The following PRPH2 variants were observed in gnomAD, a reference collection of about 807,000 sequenced individuals.
The protein encoded by PRPH2 is peripherin 2, also known as peripherin-2.
In PRPH2, 17 loss-of-function variants were observed where a neutral mutation model predicts 31.3. That is an observed-to-expected ratio of 0.54 (90% CI 0.37 to 0.81). The LOEUF is 0.81. Among genes scored for constraint, PRPH2 ranks in the 40% least tolerant of loss-of-function variants. The probability of loss-of-function intolerance (pLI) is 0.00; values close to 1 mark genes in which losing one functional copy is unlikely to be tolerated. For missense variants in PRPH2, 430 were observed against 439.7 expected (o/e 0.98, Z 0.20); for synonymous variants, 165 against 184.4 (o/e 0.89, Z 0.85).
At chr6:42,712,577 T>C (rs1291236169) in intron 1 of PRPH2, among the ~76,000 whole-genome samples, 3 of 152,166 alleles carry the variant, frequency 2.0e-5, no homozygotes, top group Non-Finnish European at 4.4e-5. Context: ...TTGATATTTG[T>C]TCCTAGGTGA....
At position 42,705,651 on chromosome 6, in the gene PRPH2, C is replaced by T. The variant is rs372345862; in HGVS notation, c.582-1040G>A. On this transcript the variant is annotated intron_variant, in intron 1 of 2. Coordinates refer to ENST00000230381, the MANE Select transcript of PRPH2 (RefSeq NM_000322.5). ...ATATATTTGTGCACTTGACTGGGTG[C>T]TTGTCATCTAAATAAAAAGTTGCAG... Among the ~76,000 whole-genome samples, 19 of 127,118 alleles carry T rather than the reference C, an allele frequency of 1.5e-4. 1 individual carries two copies. The highest frequency in any genetic ancestry group is 5.3e-4 in the African/African-American group (19 of 35,596). The allele number at this position is 127,118 out of a possible 152,430, so 83.4% of individuals were successfully genotyped here.
intron 1 of PRPH2, among the ~76,000 whole-genome samples, chr6:42,705,820 G>A (rs553605565): frequency 6.0e-4 from 90 of 150,162 alleles, no homozygotes; most frequent in Non-Finnish European, 4.3e-4. Flanking sequence ...TTATCTGGGC[G>A]TGGTGGCACG....
At chr6:42,699,866 A>G (rs941084602) in intron 2 of PRPH2, among the ~76,000 whole-genome samples, 1 of 151,978 alleles carries the variant, frequency 6.6e-6, no homozygotes, top group Admixed American at 6.6e-5. Context: ...CCACCACTGC[A>G]CTCCAGCAAA....
chr6:42,715,038 A>T (rs1202493202), intron 1 of PRPH2, among the ~76,000 whole-genome samples: 2 of 151,594 alleles, frequency 1.3e-5, no homozygotes, highest in Non-Finnish European at 2.9e-5. Context: ...GTGAAACCCC[A>T]TCTTCACTAA....
In PRPH2 at chr6:42,704,536, T is replaced by C. The variant is rs951349581; in HGVS notation, c.657A>G (p.Pro219=). ...VPFSCCNPSS[P]RPCIQYQITN... ...TGATCTGATACTGGATGCAGGGCCG[T>C]GGCGAGCTAGGATTGCAGCAGCTGA... The change falls in exon 2 of 3, where the codon CCA becomes CCG. Residue 219 remains proline (P), a synonymous_variant. Transcript: ENST00000230381. 3 of 1,614,042 alleles carry C rather than the reference T, an allele frequency of 1.9e-6. No individual in the cohort carries two copies. Among genetic ancestry groups the C allele is most frequent in the African/African-American group, 1.3e-5 (1 of 74,914 alleles).
chr6:42,703,501 G>C (rs1800084726), intron 2 of PRPH2, among the ~76,000 whole-genome samples: 1 of 138,050 alleles, frequency 7.2e-6, no homozygotes, highest in Non-Finnish European at 1.5e-5. Flanking sequence ...ATATAACAGA[G>C]AGGTTAAATG....
At chr6:42,716,962 C>CTTTTTTTTTTTT (rs1161769235) in intron 1 of PRPH2, among the ~76,000 whole-genome samples, 1 of 45,186 alleles carries the variant, frequency 2.2e-5, no homozygotes, top group Non-Finnish European at 3.8e-5. Flanking sequence ...TCTTTCTTTT[C>CTTTTTTTTTTTT]TTTTTTTTTT....
In PRPH2 at chr6:42,698,549, C is replaced by T. The variant is rs200500819; in HGVS notation, c.829-42G>A. On this transcript the variant is annotated intron_variant, in intron 2 of 2. Coordinates refer to ENST00000230381, the MANE Select transcript of PRPH2 (RefSeq NM_000322.5). Reference sequence around the variant, plus strand: ...AGATTTAGAGGCAATCTGGGAGAATCGCTGGGAGCTGGACCATTAGGAAAC... The same window carrying T: ...AGATTTAGAGGCAATCTGGGAGAATTGCTGGGAGCTGGACCATTAGGAAAC... 17 of 1,612,084 alleles carry T rather than the reference C, an allele frequency of 1.1e-5. No individual in the cohort carries two copies. In the East Asian group the frequency reaches 1.6e-4, roughly 15 times the overall value.
intron 1 of PRPH2, among the ~76,000 whole-genome samples, chr6:42,706,461 C>T (rs1296828907): frequency 6.8e-6 from 1 of 147,994 alleles, no homozygotes; most frequent in African/African-American, 2.5e-5. Flanking sequence ...AAAAATTAGC[C>T]AGGCGTTGTG....
intron 1 of PRPH2, among the ~76,000 whole-genome samples, chr6:42,715,700 T>C (rs1363347098): frequency 1.3e-5 from 2 of 151,780 alleles, no homozygotes; most frequent in African/African-American, 4.8e-5. Context: ...AACAAAAAAC[T>C]CTTGTAAATT....
intron 1 of PRPH2, among the ~76,000 whole-genome samples, chr6:42,708,485 C>G (rs145851758): frequency 2.2e-3 from 330 of 152,324 alleles, no homozygotes; most frequent in African/African-American, 7.7e-3. Flanking sequence ...GCCTTCAGCT[C>G]GGGCCTCCCG....
chr6:42,712,273 G>A (rs1024147307), intron 1 of PRPH2, among the ~76,000 whole-genome samples: 2 of 152,150 alleles, frequency 1.3e-5, no homozygotes, highest in African/African-American at 4.8e-5. Flanking sequence ...GCATGGACTT[G>A]GTTTGGATCC....
intron 2 of PRPH2, among the ~76,000 whole-genome samples, chr6:42,702,871 A>C (rs1350760711): frequency 6.8e-6 from 1 of 146,894 alleles, no homozygotes; most frequent in African/African-American, 2.5e-5. Context: ...CTTCATCTCA[A>C]AAAAAAAGAA....
At chr6:42,719,568 T>C (rs1163433044) in intron 1 of PRPH2, among the ~76,000 whole-genome samples, 2 of 61,248 alleles carry the variant, frequency 3.3e-5, no homozygotes, top group Non-Finnish European at 7.1e-5. Context: ...CTAAATTGTC[T>C]TTTTTTTTTT....
rs1799958159 is a variant in PRPH2 at position 42,697,205 on chromosome 6, A to G, written c.*1090T>C. 6.6e-6 allele frequency: 1 copy of G among 152,100 alleles called. No homozygotes were observed. Among genetic ancestry groups the G allele is most frequent in the Non-Finnish European group, 1.5e-5 (1 of 68,016 alleles). 9.4% of individuals were successfully genotyped at this position (152,100 alleles called of 1,614,324 possible). ...TCCTAAAGAAAGTGAAAACTCCTGT[A>G]TTTGCTAGCTCAGGAAGATGGGCTA... On this transcript the variant is annotated 3_prime_UTR_variant, in exon 3 of 3. Coordinates refer to ENST00000230381, the MANE Select transcript of PRPH2 (RefSeq NM_000322.5).
At chr6:42,721,271 T>A (rs1479050753) in intron 1 of PRPH2, among the ~76,000 whole-genome samples, 1 of 152,104 alleles carries the variant, frequency 6.6e-6, no homozygotes, top group African/African-American at 2.4e-5. Context: ...CAGACAAACA[T>A]CTTGGGAATG....
chr6:42,719,167 C>CTTTTTTTTTTT (rs10594241), intron 1 of PRPH2, among the ~76,000 whole-genome samples: 2 of 144,910 alleles, frequency 1.4e-5, no homozygotes, highest in Non-Finnish European at 1.5e-5. Flanking sequence ...AGTGGACTTC[C>CTTTTTTTTTTT]TTTTTTTTTT....
intron 2 of PRPH2, 23 bp downstream of exon 2, chr6:42,704,342 C>A: frequency 1.2e-6 from 2 of 1,602,564 alleles, no homozygotes; most frequent in Non-Finnish European, 1.7e-6. Flanking sequence ...TTACCCTCTA[C>A]CCCCAGCTGG....
rs1431561995 is a variant in PRPH2, at chr6:42,706,485, G to T, written c.582-1874C>A. 1.3e-5 allele frequency among the ~76,000 whole-genome samples: 2 copies of T among 150,164 alleles called. 1 individual carries two copies. Among genetic ancestry groups the T allele is most frequent in the African/African-American group, 4.9e-5 (2 of 40,944 alleles). On this transcript the variant is annotated intron_variant, in intron 1 of 2. Coordinates refer to ENST00000230381, the MANE Select transcript of PRPH2 (RefSeq NM_000322.5). ...CCAGGCGTTGTGGTGCATGCCTGTA[G>T]TCCCAGCTATTCGGGAGGCTGAGGC...
Sources: gnomAD v4.1 joint callset for allele counts (sites outside exome capture counted in the v4.1 genomes callset) on GRCh38, gnomAD v4.1.1 for gene constraint, MANE v1.5 for transcripts, NCBI Gene and HGNC (gene_info 2026-07-23, HGNC 2026-07-21) for gene names.